The following VDR variants were observed in gnomAD, a reference collection of about 807,000 sequenced individuals.
The protein encoded by VDR is vitamin D3 receptor.
A neutral mutation model predicts 39.7 loss-of-function variants in VDR; 19 were observed. The ratio of observed to expected loss-of-function variants is 0.48; its 90% confidence interval spans 0.33 to 0.70. VDR has a LOEUF of 0.70. Ranked by LOEUF, VDR falls within the 30% of genes least tolerant of loss-of-function variation. The pLI, the probability that VDR is intolerant of heterozygous loss-of-function variation, is 0.02. For missense variants in VDR, 442 were observed against 570.5 expected (o/e 0.77, Z 2.29); for synonymous variants, 242 against 215.8 (o/e 1.12, Z -1.07).
chr12:47,860,788 T>A (rs377211763), intron 4 of VDR, among the ~76,000 whole-genome samples: 6 of 152,310 alleles, frequency 3.9e-5, no homozygotes, highest in East Asian at 1.9e-4. Flanking sequence ...TGCCTCTGGA[T>A]GTGTGCCTTT....
chr12:47,904,462 TAAAAAAAAAAAAAAA>T, intron 1 of VDR: 7 of 357,628 alleles, frequency 2.0e-5, no homozygotes, highest in Non-Finnish European at 2.9e-5. Context: ...CAAAGAAAAG[TAAAAAAAAAAAAAAA>T]AAAAAAAAAA....
intron 1 of VDR, among the ~76,000 whole-genome samples, chr12:47,891,487 C>G (rs1226936014): frequency 6.6e-6 from 1 of 152,156 alleles, no homozygotes; most frequent in Non-Finnish European, 1.5e-5. Context: ...AAGCTCCACC[C>G]CAAACAAACG....
intron 3 of VDR, among the ~76,000 whole-genome samples, chr12:47,868,540 T>C (rs1945782759): frequency 6.6e-6 from 1 of 152,222 alleles, no homozygotes. Context: ...GACAAGAGAA[T>C]ATGGAAGCAT....
intron 7 of VDR, among the ~76,000 whole-genome samples, chr12:47,854,364 C>A (rs977587146): frequency 1.3e-5 from 2 of 152,110 alleles, no homozygotes; most frequent in Admixed American, 6.5e-5. Context: ...TGGGCTGAAG[C>A]AATCCTCCTA....
intron 3 of VDR, 122 bp downstream of exon 3, chr12:47,878,846 G>T: frequency 6.7e-7 from 1 of 1,498,662 alleles, no homozygotes; most frequent in Non-Finnish European, 9.1e-7. Context: ...GGCTGTGAGC[G>T]CCGCATGTTC....
Position 47,844,939 on chromosome 12 carries a change from T to C in VDR, c.1091A>G (p.Gln364Arg). 6.2e-7 allele frequency: 1 copy of C among 1,614,030 alleles called. No individual in the cohort carries two copies. Among genetic ancestry groups the C allele is most frequent in the Non-Finnish European group, 8.5e-7 (1 of 1,179,970 alleles). Residue 364 changes from glutamine to arginine, a missense_variant, in exon 10 of 10, where the codon CAG becomes CGG. Gln to Arg is a conservative substitution (Grantham distance 43). Coordinates refer to ENST00000549336, the MANE Select transcript of VDR (RefSeq NM_000376.3). ...CGGGTGGCGGCAGCGGATGTACGTC[T>C]GCAGTGTGTTGGACAGGCGGTCCTG... ...AIQDRLSNTL[Q>R]TYIRCRHPPP...
At chr12:47,849,105 T>A (rs1945336877) in intron 7 of VDR, among the ~76,000 whole-genome samples, 1 of 152,134 alleles carries the variant, frequency 6.6e-6, no homozygotes, top group South Asian at 2.1e-4. Flanking sequence ...TTTACTCCCT[T>A]TCTCTTCCTG....
Position 47,855,743 on chromosome 12 carries a change from G to A in VDR, c.642C>T (p.Asp214=). 1 of 1,614,184 alleles carries A rather than the reference G, an allele frequency of 6.2e-7. No homozygotes were observed. Among genetic ancestry groups the A allele is most frequent in the Non-Finnish European group, 8.5e-7 (1 of 1,180,018 alleles). ...NLDLSEEDSD[D]PSVTLELSQL... Reference sequence around the variant, plus strand: ...GGGACAGCTCTAGGGTCACAGAAGGGTCATCTGAATCTTCTTCACTCAGAT... The same window carrying A: ...GGGACAGCTCTAGGGTCACAGAAGGATCATCTGAATCTTCTTCACTCAGAT... Residue 214 remains aspartate (D), a synonymous_variant, in exon 7 of 10, where the codon GAC becomes GAT. Coordinates refer to ENST00000549336, the MANE Select transcript of VDR (RefSeq NM_000376.3).
intron 7 of VDR, among the ~76,000 whole-genome samples, chr12:47,848,158 T>G (rs1945315529): frequency 6.6e-6 from 1 of 152,124 alleles, no homozygotes; most frequent in Non-Finnish European, 1.5e-5. Flanking sequence ...TGCCTAGGCT[T>G]CCCAAAGTGC....
At position 47,842,303 on chromosome 12, in the gene VDR, G is replaced by C. The variant is rs567130902; in HGVS notation, c.*2443C>G. On this transcript the variant is annotated 3_prime_UTR_variant, in exon 10 of 10. Coordinates refer to ENST00000549336, the MANE Select transcript of VDR (RefSeq NM_000376.3). ...GATGGGTTGGTGGAGTTACAAGCCA[G>C]GGAAGGAAGGAAAGGGTCCCAGATC... 1 of 152,530 alleles carries C rather than the reference G, an allele frequency of 6.6e-6. No homozygotes were observed. Among genetic ancestry groups the C allele is most frequent in the South Asian group, 2.1e-4 (1 of 4,834 alleles). 9.4% of individuals were successfully genotyped at this position (152,530 alleles called of 1,614,324 possible). A position where few individuals can be genotyped will look rare whatever the true frequency, so the allele number is the denominator to read the frequency against.
In VDR at chr12:47,891,530, G is replaced by A. The variant is rs545340421; in HGVS notation, c.-83-8756C>T. On this transcript the variant is annotated intron_variant, in intron 1 of 9. Coordinates refer to ENST00000549336, the MANE Select transcript of VDR (RefSeq NM_000376.3). ...GAAAGCCACAATTTTGCTGAGCTGG[G>A]AAAAAAACTGACCACCCCACCCACT... Among the ~76,000 whole-genome samples the A allele has an allele frequency of 2.3e-4, 35 of 152,136 alleles. No homozygotes were observed. The East Asian group carries it at 4.1e-3, about 18-fold the overall frequency.
At chr12:47,855,859 C>T in intron 6 of VDR, 58 bp from the exon 7 acceptor site, 1 of 1,604,078 alleles carries the variant, frequency 6.2e-7, no homozygotes, top group Non-Finnish European at 8.5e-7. Context: ...CAGGCCCCCT[C>T]CTGCCAGACC....
intron 4 of VDR, among the ~76,000 whole-genome samples, chr12:47,864,288 G>A (rs571183118): frequency 6.6e-6 from 1 of 152,364 alleles, no homozygotes; most frequent in South Asian, 2.1e-4. Context: ...CTGTCCTAGA[G>A]CTCTGATGCA....
intron 1 of VDR, among the ~76,000 whole-genome samples, chr12:47,894,517 G>A (rs1205693363): frequency 1.3e-5 from 2 of 152,156 alleles, no homozygotes; most frequent in African/African-American, 2.4e-5. Context: ...TGTCAGCAGC[G>A]GTGGTCCGTC....
intron 4 of VDR, among the ~76,000 whole-genome samples, chr12:47,858,519 C>T (rs368713454): frequency 5.8e-4 from 89 of 152,366 alleles, no homozygotes; most frequent in African/African-American, 2.0e-3. Context: ...AGCCACTAAT[C>T]AGGGTGTGGG....
chr12:47,877,217 C>G (rs185243095), intron 3 of VDR, among the ~76,000 whole-genome samples: 2 of 152,168 alleles, frequency 1.3e-5, no homozygotes, highest in Non-Finnish European at 2.9e-5. Context: ...GAGGCCCCAT[C>G]ACTACAAAAA....
At chr12:47,896,449 G>A (rs998748360) in intron 1 of VDR, among the ~76,000 whole-genome samples, 2 of 152,094 alleles carry the variant, frequency 1.3e-5, no homozygotes, top group Admixed American at 6.5e-5. Context: ...ATCTGTTCTC[G>A]GGGCTCGGAG....
At chr12:47,848,935 C>T (rs1414084301) in intron 7 of VDR, among the ~76,000 whole-genome samples, 1 of 152,144 alleles carries the variant, frequency 6.6e-6, no homozygotes, top group Non-Finnish European at 1.5e-5. Context: ...TTACTGTTGC[C>T]CACACACTGA....
intron 4 of VDR, among the ~76,000 whole-genome samples, chr12:47,859,434 G>A (rs1011646139): frequency 6.6e-6 from 1 of 152,158 alleles, no homozygotes; most frequent in African/African-American, 2.4e-5. Flanking sequence ...CATTGCTGCT[G>A]GCCTGGGAAC....
Sources: allele counts gnomAD v4.1 joint callset (sites outside exome capture counted in the v4.1 genomes callset), GRCh38; gene constraint gnomAD v4.1.1; transcripts MANE v1.5; gene names NCBI Gene and HGNC (gene_info 2026-07-23, HGNC 2026-07-21).